SLC35F2: variants seen among roughly 807,000 people sequenced by gnomAD.
SLC35F2 encodes the protein solute carrier family 35 member F2, also known as queuine/queuosine transporter SLC35F2.
Under a neutral mutation model 38.1 loss-of-function variants are expected in SLC35F2, and 25 were observed. The ratio of observed to expected loss-of-function variants is 0.66; its 90% CI spans 0.48 to 0.92. The LOEUF is 0.92. SLC35F2 is among the 40% of genes least tolerant of loss of function. The pLI, the probability that SLC35F2 is intolerant of heterozygous loss-of-function variation, is 0.00. For missense variants in SLC35F2, 409 were observed against 452.9 expected (o/e 0.90, Z 0.88); for synonymous variants, 173 against 181.7 (o/e 0.95, Z 0.38).
At chr11:107,812,678 T>TA (rs575339239) in intron 2 of SLC35F2, among the ~76,000 whole-genome samples, 66 of 152,276 alleles carry the variant, frequency 4.3e-4, no homozygotes, top group African/African-American at 1.5e-3. Context: ...TGCTGGAACT[T>TA]AAAAAAATAA....
intron 1 of SLC35F2, chr11:107,816,377 A>G: frequency 7.0e-6 from 5 of 715,004 alleles, no homozygotes; most frequent in African/African-American, 1.9e-5. Flanking sequence ...GACCTCCCAG[A>G]CTCAAGCAAT....
intron 2 of SLC35F2, among the ~76,000 whole-genome samples, chr11:107,814,691 A>T (rs991335658): frequency 6.6e-6 from 1 of 152,188 alleles, no homozygotes; most frequent in Non-Finnish European, 1.5e-5. Context: ...GGCTGGGCCC[A>T]GTGGCTCACA....
chr11:107,846,705 G>T (rs1173684559), intron 1 of SLC35F2, among the ~76,000 whole-genome samples: 1 of 152,184 alleles, frequency 6.6e-6, no homozygotes, highest in East Asian at 1.9e-4. Context: ...GCCAAGGTGG[G>T]TGGATCACTT....
At chr11:107,818,773 T>C (rs1262125600) in intron 1 of SLC35F2, among the ~76,000 whole-genome samples, 2 of 152,222 alleles carry the variant, frequency 1.3e-5, no homozygotes, top group Non-Finnish European at 2.9e-5. Flanking sequence ...TATTCCTTTT[T>C]CTTTTTTGTT....
At chr11:107,812,245 C>A (rs1270740092) in intron 2 of SLC35F2, among the ~76,000 whole-genome samples, 1 of 152,104 alleles carries the variant, frequency 6.6e-6, no homozygotes, top group Non-Finnish European at 1.5e-5. Flanking sequence ...AGTTTCCATT[C>A]TTCATAACCC....
At chr11:107,811,321 C>G (rs1859475708) in intron 3 of SLC35F2, 1 of 869,208 alleles carries the variant, frequency 1.2e-6, no homozygotes. Context: ...CTTCAACTTT[C>G]CTATAGAACA....
At chr11:107,810,731 AGTT>A in intron 3 of SLC35F2, 1 of 979,766 alleles carries the variant, frequency 1.0e-6, no homozygotes, top group Non-Finnish European at 1.2e-6. Flanking sequence ...AAAAGAAAGT[AGTT>A]AATATAATGG....
intron 1 of SLC35F2, among the ~76,000 whole-genome samples, chr11:107,839,051 A>C (rs924615714): frequency 1.3e-5 from 2 of 152,218 alleles, no homozygotes; most frequent in Non-Finnish European, 2.9e-5. Context: ...AAGATCAGAA[A>C]ATTAGTAAGT....
intron 1 of SLC35F2, among the ~76,000 whole-genome samples, chr11:107,836,602 C>T (rs1161110466): frequency 6.6e-6 from 1 of 152,184 alleles, no homozygotes; most frequent in Non-Finnish European, 1.5e-5. Flanking sequence ...TGCAACGTTG[C>T]TAGCTTTGAA....
At chr11:107,819,594 G>C (rs1233519530) in intron 1 of SLC35F2, among the ~76,000 whole-genome samples, 7 of 152,168 alleles carry the variant, frequency 4.6e-5, no homozygotes, top group Non-Finnish European at 1.0e-4. Flanking sequence ...CCTAGACAAA[G>C]GAAATTCACC....
At chr11:107,809,718 A>G in intron 3 of SLC35F2, 1 of 980,832 alleles carries the variant, frequency 1.0e-6, no homozygotes, top group Non-Finnish European at 1.2e-6. Flanking sequence ...ATTATTGTAT[A>G]GTCACAGTAA....
Position 107,792,519 on chromosome 11 carries a change from T to G in SLC35F2, c.*96A>C. ...CTGGATCCAACCCAGGGTTGTAGAG[T>G]GTCCATTCTGAGTCTGCTATTTCCC... is the stretch of plus-strand genomic sequence containing the variant. On this transcript the variant is annotated 3_prime_UTR_variant, in exon 8 of 8. Coordinates refer to ENST00000525815, the MANE Select transcript of SLC35F2 (RefSeq NM_017515.5). The G allele has an allele frequency of 7.2e-7, 1 of 1,386,662 alleles. No individual in the cohort carries two copies. The highest frequency in any genetic ancestry group is 9.7e-7 in the Non-Finnish European group (1 of 1,032,642). The allele number at this position is 1,386,662 out of a possible 1,614,324, so 85.9% of individuals were successfully genotyped here.
At chr11:107,845,634 C>A (rs1860093506) in intron 1 of SLC35F2, among the ~76,000 whole-genome samples, 1 of 151,880 alleles carries the variant, frequency 6.6e-6, no homozygotes, top group Non-Finnish European at 1.5e-5. Context: ...TTTTGTGACA[C>A]ATCACTTGTT....
chr11:107,819,270 G>C (rs1406674066), intron 1 of SLC35F2, among the ~76,000 whole-genome samples: 1 of 152,106 alleles, frequency 6.6e-6, no homozygotes, highest in African/African-American at 2.4e-5. Flanking sequence ...CTCTCCAAAG[G>C]GTTATATTAC....
chr11:107,809,362 C>T (rs1018915514), intron 3 of SLC35F2, among the ~76,000 whole-genome samples: 6 of 147,326 alleles, frequency 4.1e-5, no homozygotes, highest in East Asian at 4.0e-4. Flanking sequence ...ATCAGCTGGG[C>T]GCATGCCTGT....
intron 7 of SLC35F2, chr11:107,793,004 C>G (rs770751265): frequency 6.4e-5 from 49 of 761,248 alleles, no homozygotes; most frequent in Non-Finnish European, 7.7e-5. Flanking sequence ...GCAACCTCCA[C>G]CTCCCAGGCT....
intron 1 of SLC35F2, among the ~76,000 whole-genome samples, chr11:107,842,883 A>T (rs1346373830): frequency 6.6e-6 from 1 of 152,226 alleles, no homozygotes; most frequent in Non-Finnish European, 1.5e-5. Flanking sequence ...GTCTGTATAC[A>T]ATAGCAAAAA....
chr11:107,813,977 A>G lies in SLC35F2; in HGVS notation c.286+1813T>C, dbSNP rs532736820. ...ATCACACCCAGCCCTAAATTTCAAT[A>G]AAGACTTTTAGATAGCTGGTGCATG... On this transcript the variant is annotated intron_variant, in intron 2 of 7. Transcript: ENST00000525815. Among the ~76,000 whole-genome samples, 4 of 152,166 alleles carry G rather than the reference A, an allele frequency of 2.6e-5. No homozygotes were observed. In the East Asian group the frequency reaches 5.8e-4, roughly 22 times the overall value.
Position 107,846,143 on chromosome 11 carries a change from T to C in SLC35F2, c.110+12515A>G, listed in dbSNP as rs554512964. Reference sequence around the variant, plus strand: ...TTCTAAGAAACTGAGTTATCTGGTTTCTACGGTGTTAATACAGTAGAAATC... The same window carrying C: ...TTCTAAGAAACTGAGTTATCTGGTTCCTACGGTGTTAATACAGTAGAAATC... On this transcript the variant is annotated intron_variant, in intron 1 of 7. Coordinates refer to ENST00000525815, the MANE Select transcript of SLC35F2 (RefSeq NM_017515.5). Among the ~76,000 whole-genome samples the C allele has an allele frequency of 1.2e-4, 18 of 152,108 alleles. No individual in the cohort carries two copies. The East Asian group carries it at 3.5e-3, about 29-fold the overall frequency.
Sources: allele counts gnomAD v4.1 joint callset (sites outside exome capture counted in the v4.1 genomes callset), GRCh38; gene constraint gnomAD v4.1.1; transcripts MANE v1.5; gene names NCBI Gene and HGNC (gene_info 2026-07-23, HGNC 2026-07-21).